Variants in ZFHX3 observed in about 807,000 individuals in gnomAD.
ZFHX3 encodes zinc finger homeobox protein 3.
In ZFHX3, 42 loss-of-function variants were observed where a neutral mutation model predicts 279.1. The ratio of observed to expected loss-of-function variants is 0.15; its 90% CI spans 0.12 to 0.19. The LOEUF is 0.19. Among genes scored for constraint, ZFHX3 ranks in the 10% least tolerant of loss-of-function variants. ZFHX3 has a pLI of 1.00. For missense variants in ZFHX3, 4,981 were observed against 4,754.0 expected (o/e 1.05, Z -1.40); for synonymous variants, 2,293 against 1,957.8 (o/e 1.17, Z -4.52).
At chr16:73,575,419 G>C (rs2051789736) in intron 2 of ZFHX3, among the ~76,000 whole-genome samples, 1 of 152,128 alleles carries the variant, frequency 6.6e-6, no homozygotes, top group Non-Finnish European at 1.5e-5. Flanking sequence ...GATTGGTTTT[G>C]ATTCATTACA....
At chr16:73,498,881 G>A (rs1377088741) in intron 2 of ZFHX3, among the ~76,000 whole-genome samples, 1 of 152,160 alleles carries the variant, frequency 6.6e-6, no homozygotes, top group South Asian at 2.1e-4. Context: ...GCGGGGCAGG[G>A]AGTGAGTGCT....
intron 4 of ZFHX3, among the ~76,000 whole-genome samples, chr16:72,843,624 C>T (rs1025112614): frequency 1.3e-5 from 2 of 150,090 alleles, no homozygotes; most frequent in Admixed American, 1.3e-4. Context: ...CTCGGGGTGA[C>T]GCTTACACAG....
intron 2 of ZFHX3, among the ~76,000 whole-genome samples, chr16:73,668,125 G>A (rs8056327): frequency 2.6e-5 from 4 of 151,906 alleles, no homozygotes; most frequent in African/African-American, 7.3e-5. Flanking sequence ...CTCTAAGCCA[G>A]TGCAGATCTA....
At chr16:73,048,719 T>C (rs1392250271), upstream of ZFHX3, among the ~76,000 whole-genome samples, 1 of 152,230 alleles carries the variant, frequency 6.6e-6, no homozygotes, top group African/African-American at 2.4e-5. Flanking sequence ...GACAGGAATT[T>C]ATTGGAAACA....
intron 3 of ZFHX3, among the ~76,000 whole-genome samples, chr16:73,447,309 A>T (rs2018205149): frequency 6.6e-6 from 1 of 152,208 alleles, no homozygotes; most frequent in African/African-American, 2.4e-5. Context: ...GTAGAACTAC[A>T]AGCCATAATC....
intron 3 of ZFHX3, among the ~76,000 whole-genome samples, chr16:73,392,696 T>C (rs1597315367): frequency 6.6e-6 from 1 of 152,188 alleles, no homozygotes; most frequent in African/African-American, 2.4e-5. Flanking sequence ...ACCCCATCAA[T>C]TGATTTCACC....
chr16:73,882,400 G>C (rs904270090), intron 1 of ZFHX3, among the ~76,000 whole-genome samples: 6 of 151,984 alleles, frequency 3.9e-5, no homozygotes, highest in African/African-American at 1.5e-4. Flanking sequence ...CTAAACTCTA[G>C]GAAAGTGGTA....
chr16:73,337,347 G>A (rs1320864756), intron 3 of ZFHX3, among the ~76,000 whole-genome samples: 1 of 152,106 alleles, frequency 6.6e-6, no homozygotes, highest in East Asian at 1.9e-4. Flanking sequence ...AGTATTCTCT[G>A]GAGGCCACTG....
chr16:73,686,372 G>A (rs755383102), intron 1 of ZFHX3, among the ~76,000 whole-genome samples: 6 of 152,308 alleles, frequency 3.9e-5, no homozygotes, highest in South Asian at 2.1e-4. Flanking sequence ...GGGATAAGGC[G>A]TGAGCCACCA....
intron 3 of ZFHX3, among the ~76,000 whole-genome samples, chr16:73,351,209 A>C (rs2016234892): frequency 6.6e-6 from 1 of 152,214 alleles, no homozygotes; most frequent in African/African-American, 2.4e-5. Context: ...GAGAGATAAG[A>C]GCCTGCTGCT....
intron 1 of ZFHX3, among the ~76,000 whole-genome samples, chr16:73,722,711 A>G (rs1382499566): frequency 1.3e-5 from 2 of 152,170 alleles, no homozygotes; most frequent in African/African-American, 2.4e-5. Flanking sequence ...ACTGCCTCCA[A>G]TGATATGGGT....
chr16:73,298,066 C>T (rs1232252331), intron 4 of ZFHX3, among the ~76,000 whole-genome samples: 1 of 151,682 alleles, frequency 6.6e-6, no homozygotes, highest in Non-Finnish European at 1.5e-5. Context: ...TGGCATGTGC[C>T]TATAATACTA....
At chr16:72,995,312 T>C (rs1373088820) in intron 1 of ZFHX3, among the ~76,000 whole-genome samples, 1 of 152,152 alleles carries the variant, frequency 6.6e-6, no homozygotes, top group Non-Finnish European at 1.5e-5. Context: ...GCCTCTCCAA[T>C]CTGGGTGCCC....
chr16:73,853,042 A>G (rs1021130882), intron 1 of ZFHX3, among the ~76,000 whole-genome samples: 2 of 152,236 alleles, frequency 1.3e-5, no homozygotes, highest in African/African-American at 4.8e-5. Flanking sequence ...TCTCAAAACA[A>G]GAAACATCAG....
At chr16:72,892,936 G>T (rs2038809542) in intron 3 of ZFHX3, among the ~76,000 whole-genome samples, 1 of 152,194 alleles carries the variant, frequency 6.6e-6, no homozygotes, top group South Asian at 2.1e-4. Context: ...CTGGGGAGAA[G>T]GAAGGCAGAA....
chr16:72,882,982 GTGTGTGTGTGTGTGTGTGT>G (rs1567563256), intron 4 of ZFHX3, among the ~76,000 whole-genome samples: 146 of 20,816 alleles, frequency 7.0e-3, no homozygotes, highest in Admixed American at 0.012. Flanking sequence ...TCTGGGGTGT[GTGTGTGTGTGTGTGTGTGT>G]GTGTGTGTGT....
intron 4 of ZFHX3, among the ~76,000 whole-genome samples, chr16:72,885,082 C>A (rs538581001): frequency 6.6e-4 from 101 of 152,338 alleles, no homozygotes; most frequent in Admixed American, 2.7e-3. Flanking sequence ...ATTTTTAAAA[C>A]AGGAAGGCCC....
intron 7 of ZFHX3, among the ~76,000 whole-genome samples, chr16:73,103,924 G>A (rs544265784): frequency 8.5e-5 from 13 of 152,356 alleles, no homozygotes; most frequent in Admixed American, 2.6e-4. Flanking sequence ...AAGGAGTTTA[G>A]TGATTTGACC....
At chr16:73,761,643 C>T (rs979223939) in intron 1 of ZFHX3, among the ~76,000 whole-genome samples, 1 of 152,020 alleles carries the variant, frequency 6.6e-6, no homozygotes, top group Admixed American at 6.6e-5. Flanking sequence ...GACACATAGA[C>T]CAATGGAACA....
Sources: allele counts gnomAD v4.1 joint callset (sites outside exome capture counted in the v4.1 genomes callset), GRCh38; gene constraint gnomAD v4.1.1; transcripts MANE v1.5; gene names NCBI Gene and HGNC (gene_info 2026-07-23, HGNC 2026-07-21).